Variants in RNF170 observed in about 807,000 individuals in gnomAD.
RNF170 encodes the protein E3 ubiquitin-protein ligase RNF170.
Under a neutral mutation model 32.7 loss-of-function variants are expected in RNF170, and 12 were observed. The observed-to-expected ratio is 0.37, with a 90% confidence interval of 0.24 to 0.60. The LOEUF (loss-of-function observed/expected upper bound fraction) is 0.60. Ranked by LOEUF, RNF170 falls within the 20% of genes least tolerant of loss-of-function variation. The pLI, the probability that RNF170 is intolerant of heterozygous loss-of-function variation, is 0.72. For synonymous variants in RNF170, 91 were observed against 103.6 expected, an observed-to-expected ratio of 0.88 and a Z score of 0.74; for missense variants, 212 against 311.2, an observed-to-expected ratio of 0.68 and a Z score of 2.40.
rs1803153848 is a variant in RNF170, at chr8:42,855,167, C to G, written c.*992G>C. The G allele has an allele frequency of 1.6e-6, 2 of 1,286,598 alleles. No homozygotes were observed. The highest frequency in any genetic ancestry group is 2.0e-6 in the Non-Finnish European group (2 of 988,646). The allele number at this position is 1,286,598 out of a possible 1,614,324, so 79.7% of individuals were successfully genotyped here. ...TTTATATCTACTACGAAAGGATGAG[C>G]TCTTGTTTAAATGTCTAACTGTGAA... On this transcript the variant is annotated 3_prime_UTR_variant, in exon 7 of 7. Coordinates refer to ENST00000527424, the MANE Select transcript of RNF170 (RefSeq NM_030954.4).
chr8:42,858,572 T>A (rs1803417004), intron 6 of RNF170, among the ~76,000 whole-genome samples: 1 of 152,156 alleles, frequency 6.6e-6, no homozygotes, highest in African/African-American at 2.4e-5. Flanking sequence ...AAGAATTGAG[T>A]GCTGTCTATG....
Position 42,855,319 on chromosome 8 carries a change from C to G in RNF170, c.*840G>C. On this transcript the variant is annotated 3_prime_UTR_variant, in exon 7 of 7. Transcript: ENST00000527424. ...ATCCACCTCCTGGGTTTACGCCATT[C>G]TTCTGCCTCAGCCTCCCGAGTAGCT... 2 of 963,672 alleles carry G rather than the reference C, an allele frequency of 2.1e-6. No individual in the cohort carries two copies. Among genetic ancestry groups the G allele is most frequent in the South Asian group, 1.4e-5 (1 of 69,490 alleles). 59.7% of individuals were successfully genotyped at this position (963,672 alleles called of 1,614,324 possible).
downstream of RNF170, chr8:42,850,922 A>G (rs1586463953): frequency 6.4e-7 from 1 of 1,551,608 alleles, no homozygotes; most frequent in Non-Finnish European, 8.7e-7. Context: ...CAGGCAGGAG[A>G]GTTCTGTGTG....
chr8:42,876,792 T>TG (rs1426947909), intron 2 of RNF170, among the ~76,000 whole-genome samples: 2 of 151,274 alleles, frequency 1.3e-5, no homozygotes, highest in Non-Finnish European at 2.9e-5. Flanking sequence ...CCCAAGTAGC[T>TG]GGGACTATAG....
chr8:42,872,598 A>G (rs755978421), intron 3 of RNF170, among the ~76,000 whole-genome samples: 9 of 152,030 alleles, frequency 5.9e-5, no homozygotes, highest in Non-Finnish European at 1.3e-4. Flanking sequence ...GTGCGCCACC[A>G]TGCCCGGCCA....
rs1415587909 is a variant in RNF170, at chr8:42,896,473, GC to G, written c.-8+10del. The G allele has an allele frequency of 6.6e-6, 3 of 453,784 alleles. No individual in the cohort carries two copies. Among genetic ancestry groups the G allele is most frequent in the Non-Finnish European group, 8.8e-6 (2 of 226,620 alleles). The allele number at this position is 453,784 out of a possible 1,614,324, so 28.1% of individuals were successfully genotyped here. A position where few individuals can be genotyped will look rare whatever the true frequency, so the allele number is the denominator to read the frequency against. Reference sequence around the variant, plus strand: ...GATAGGGTGGGCGTGGCCGCCGCGCGCCGGACGTACCTCTCCACCGCGAAGG... The same window carrying G: ...GATAGGGTGGGCGTGGCCGCCGCGCGCGGACGTACCTCTCCACCGCGAAGG... On this transcript the variant is annotated intron_variant, in intron 1 of 6. Transcript: ENST00000527424.
chr8:42,897,048 A>T, upstream of RNF170: 2 of 1,074,242 alleles, frequency 1.9e-6, no homozygotes, highest in Non-Finnish European at 2.4e-6. Flanking sequence ...AGGCCGAGTC[A>T]GCTGCGCGGG....
chr8:42,867,962 G>A lies in RNF170; in HGVS notation c.322+2042C>T, dbSNP rs139381185. 8.2e-4 allele frequency among the ~76,000 whole-genome samples: 124 copies of A among 152,126 alleles called. 1 individual carries two copies. In the East Asian group the frequency reaches 0.021, roughly 25 times the overall value. ...TTTAAGAACAGCAAGGGCAAATGTCGGAAAGGAGTGTCACGTGGATTAGGT... is the reference window on the plus strand; with the variant it reads ...TTTAAGAACAGCAAGGGCAAATGTCAGAAAGGAGTGTCACGTGGATTAGGT... On this transcript the variant is annotated intron_variant, in intron 4 of 6. Coordinates refer to ENST00000527424, the MANE Select transcript of RNF170 (RefSeq NM_030954.4).
Position 42,855,152 on chromosome 8 carries a change from C to A in RNF170, c.*1007G>T, listed in dbSNP as rs1271366266. On this transcript the variant is annotated 3_prime_UTR_variant, in exon 7 of 7. Coordinates refer to ENST00000527424, the MANE Select transcript of RNF170 (RefSeq NM_030954.4). The stretch of plus-strand genomic sequence containing the variant: ...CCTTTACAAATTACTTTTATATCTA[C>A]TACGAAAGGATGAGCTCTTGTTTAA... 3 of 1,287,000 alleles carry A rather than the reference C, an allele frequency of 2.3e-6. No homozygotes were observed. In the South Asian group the frequency reaches 3.7e-5, roughly 16 times the overall value. The allele number at this position is 1,287,000 out of a possible 1,614,324, so 79.7% of individuals were successfully genotyped here. A position where few individuals can be genotyped will look rare whatever the true frequency, so the allele number is the denominator to read the frequency against.
At chr8:42,890,277 CT>C (rs201824916) in intron 1 of RNF170, among the ~76,000 whole-genome samples, 1,991 of 138,052 alleles carry the variant, frequency 0.014, 40 homozygotes, top group African/African-American at 0.046. Context: ...TTTTTTGAGA[CT>C]TTTTTTTTTC....
At chr8:42,876,599 G>A (rs968429457) in intron 2 of RNF170, among the ~76,000 whole-genome samples, 21 of 151,092 alleles carry the variant, frequency 1.4e-4, no homozygotes, top group Non-Finnish European at 2.5e-4. Context: ...CTCGAACTGT[G>A]AGAAATAAAT....
chr8:42,853,776 T>A lies in RNF170; in HGVS notation c.*2383A>T. Reference sequence around the variant, plus strand: ...ATCGGTAAAGATGACAACAAGCAGGTCTAAAGTTCTGAGATGTTAGCACAT... The same window carrying A: ...ATCGGTAAAGATGACAACAAGCAGGACTAAAGTTCTGAGATGTTAGCACAT... On this transcript the variant is annotated 3_prime_UTR_variant, in exon 7 of 7. Transcript: ENST00000527424. 7.8e-7 allele frequency: 1 copy of A among 1,287,230 alleles called. No individual in the cohort carries two copies. The highest frequency in any genetic ancestry group is 1.0e-6 in the Non-Finnish European group (1 of 988,680). 79.7% of individuals were successfully genotyped at this position (1,287,230 alleles called of 1,614,324 possible).
chr8:42,879,832 G>A (rs1248124972), intron 2 of RNF170, among the ~76,000 whole-genome samples: 1 of 151,986 alleles, frequency 6.6e-6, no homozygotes, highest in African/African-American at 2.4e-5. Context: ...GTGCCACCGT[G>A]CCTGGCTAAT....
At chr8:42,881,101 G>C (rs760214482) in intron 2 of RNF170, 3 of 151,830 alleles carry the variant, frequency 2.0e-5, no homozygotes, top group Non-Finnish European at 2.9e-5. Context: ...ATATCTATGG[G>C]GTATGACTGT....
rs1455521536 is a variant in RNF170, at chr8:42,888,012, CTGA to C, written c.-7-144_-7-142del. 1.8e-5 allele frequency: 13 copies of C among 728,722 alleles called. No individual in the cohort carries two copies. In the East Asian group the frequency reaches 3.5e-4, roughly 20 times the overall value. The allele number at this position is 728,722 out of a possible 1,614,324, so 45.1% of individuals were successfully genotyped here. The stretch of plus-strand genomic sequence containing the variant: ...CAATTAAGTACAACTCCAGTGGGGA[CTGA>C]TGGAGTTCTTTAAAATTTGCCAGAC... On this transcript the variant is annotated intron_variant, in intron 1 of 6. Coordinates refer to ENST00000527424, the MANE Select transcript of RNF170 (RefSeq NM_030954.4).
downstream of RNF170, chr8:42,851,127 G>C: frequency 7.3e-7 from 1 of 1,378,130 alleles, no homozygotes; most frequent in South Asian, 1.4e-5. Context: ...CAGCTCCCTG[G>C]GCTCTACCAC....
downstream of RNF170, chr8:42,850,862 G>C (rs980609691): frequency 3.2e-6 from 5 of 1,551,530 alleles, no homozygotes; most frequent in Non-Finnish European, 4.4e-6. Context: ...GCTGAAGGGA[G>C]CATTCGGTCA....
chr8:42,873,958 T>C lies in RNF170; in HGVS notation c.186A>G (p.Val62=). ...IHPENQELVR[V]LREQLQTEQD... is the part of the protein sequence containing the mutation. ...GTTCTGTTTGAAGCTGTTCTCGAAGTACCCTTACTAGCTCCTGGTTTTCTG... is the reference window on the plus strand; with the variant it reads ...GTTCTGTTTGAAGCTGTTCTCGAAGCACCCTTACTAGCTCCTGGTTTTCTG... Residue 62 remains valine (V), a synonymous_variant, in exon 3 of 7, where the codon GTA becomes GTG. Coordinates refer to ENST00000527424, the MANE Select transcript of RNF170 (RefSeq NM_030954.4). 1 of 1,601,386 alleles carries C rather than the reference T, an allele frequency of 6.2e-7. No individual in the cohort carries two copies. The highest frequency in any genetic ancestry group is 8.6e-7 in the Non-Finnish European group (1 of 1,168,526).
chr8:42,871,904 G>A (rs1007738013), intron 3 of RNF170, among the ~76,000 whole-genome samples: 1 of 152,184 alleles, frequency 6.6e-6, no homozygotes, highest in Non-Finnish European at 1.5e-5. Flanking sequence ...ACAATTAACG[G>A]TGCTGTCCAA....
Sources: allele counts gnomAD v4.1 joint callset (sites outside exome capture counted in the v4.1 genomes callset), GRCh38; gene constraint gnomAD v4.1.1; transcripts MANE v1.5; gene names NCBI Gene and HGNC (gene_info 2026-07-23, HGNC 2026-07-21).